PIK3C3: variants seen among roughly 807,000 people sequenced by gnomAD.
PIK3C3 encodes PI3-kinase type 3.
PIK3C3 carries 95 observed loss-of-function variants against 126.1 expected under a neutral mutation model. That is an observed-to-expected ratio of 0.75 (90% confidence interval 0.64 to 0.89). PIK3C3 has a LOEUF of 0.89. PIK3C3 is among the 40% of genes least tolerant of loss of function. PIK3C3 has a pLI of 0.00. For synonymous variants in PIK3C3, 374 were observed against 360.0 expected (o/e 1.04, Z -0.44); for missense variants, 829 against 1,063.2 (o/e 0.78, Z 3.06).
chr18:41,968,905 C>A lies in PIK3C3; in HGVS notation c.402-1422C>A, dbSNP rs978354946. ...CAAACATGGCTCACTATAGCCTGGTCTTCCCAGGCTTAAGCAATCCTCCTG... is the reference window on the plus strand; with the variant it reads ...CAAACATGGCTCACTATAGCCTGGTATTCCCAGGCTTAAGCAATCCTCCTG... On this transcript the variant is annotated intron_variant, in intron 3 of 24. Coordinates refer to ENST00000262039, the MANE Select transcript of PIK3C3 (RefSeq NM_002647.4). Among the ~76,000 whole-genome samples the A allele has an allele frequency of 3.3e-5, 5 of 151,760 alleles. No individual in the cohort carries two copies. In the East Asian group the frequency reaches 9.6e-4, roughly 29 times the overall value.
At chr18:42,024,984 T>G (rs1259669697) in intron 13 of PIK3C3, among the ~76,000 whole-genome samples, 2 of 151,890 alleles carry the variant, frequency 1.3e-5, no homozygotes, top group Non-Finnish European at 2.9e-5. Flanking sequence ...TTTTGTATTT[T>G]TTTTAGTATA....
At chr18:42,014,748 C>A (rs757787752) in intron 11 of PIK3C3, among the ~76,000 whole-genome samples, 3 of 152,056 alleles carry the variant, frequency 2.0e-5, no homozygotes, top group Non-Finnish European at 2.9e-5. Flanking sequence ...TACATGAGCT[C>A]AAGATTGGAT....
chr18:42,078,325 C>T (rs1273087424), intron 24 of PIK3C3, among the ~76,000 whole-genome samples: 3 of 139,600 alleles, frequency 2.1e-5, no homozygotes, highest in East Asian at 2.1e-4. Flanking sequence ...TGCAGTGAGC[C>T]GAGATTGCGC....
At chr18:42,031,024 G>A (rs1326841857) in intron 15 of PIK3C3, among the ~76,000 whole-genome samples, 2 of 151,982 alleles carry the variant, frequency 1.3e-5, no homozygotes, top group Non-Finnish European at 2.9e-5. Flanking sequence ...TTCAGTATTG[G>A]CTAAAAATCT....
At chr18:42,038,286 T>C (rs1157112584) in intron 17 of PIK3C3, among the ~76,000 whole-genome samples, 1 of 152,074 alleles carries the variant, frequency 6.6e-6, no homozygotes, top group East Asian at 1.9e-4. Context: ...AGATGAAAAA[T>C]TTAGCATACC....
intron 21 of PIK3C3, among the ~76,000 whole-genome samples, chr18:42,055,960 A>G (rs1256102272): frequency 3.9e-5 from 6 of 152,084 alleles, no homozygotes; most frequent in Non-Finnish European, 8.8e-5. Flanking sequence ...CTTACTCCCT[A>G]TGTTTTACAA....
chr18:42,040,405 A>G (rs947964865), intron 18 of PIK3C3, among the ~76,000 whole-genome samples: 1 of 152,088 alleles, frequency 6.6e-6, no homozygotes, highest in South Asian at 2.1e-4. Context: ...TAAGAAGCTT[A>G]GTCTATTAGT....
intron 21 of PIK3C3, among the ~76,000 whole-genome samples, chr18:42,051,825 T>C (rs1392692252): frequency 6.6e-6 from 1 of 152,144 alleles, no homozygotes; most frequent in Non-Finnish European, 1.5e-5. Flanking sequence ...TTTTCCAGAT[T>C]GTAATCATTT....
At chr18:42,013,662 CTT>C in intron 11 of PIK3C3, 66 bp downstream of exon 11, 1 of 1,243,798 alleles carries the variant, frequency 8.0e-7, no homozygotes, top group Non-Finnish European at 1.1e-6. Flanking sequence ...ATTGTTTTCT[CTT>C]TTCCTTTCCT....
intron 12 of PIK3C3, among the ~76,000 whole-genome samples, chr18:42,019,368 C>G (rs956942004): frequency 2.6e-5 from 4 of 152,100 alleles, no homozygotes; most frequent in Admixed American, 6.6e-5. Context: ...TCCTTCTTTC[C>G]AGCCTTTAGT....
rs1041287507 is a variant in PIK3C3 at position 42,086,483 on chromosome 18, G to A, written c.*5346G>A. ...TTAGGCATTCTTAGTCACAGGATGAGATAGGAGATTGGCTCAAGATAAGGT... is the reference window on the plus strand; with the variant it reads ...TTAGGCATTCTTAGTCACAGGATGAAATAGGAGATTGGCTCAAGATAAGGT... On this transcript the variant is annotated 3_prime_UTR_variant, in exon 25 of 25. Transcript: ENST00000262039. The A allele has an allele frequency of 3.3e-5, 5 of 152,222 alleles. No individual in the cohort carries two copies. Among genetic ancestry groups the A allele is most frequent in the Admixed American group, 1.3e-4 (2 of 15,286 alleles). The allele number at this position is 152,222 out of a possible 1,614,324, so 9.4% of individuals were successfully genotyped here.
At chr18:42,049,263 A>G in intron 20 of PIK3C3, 1 of 281,702 alleles carries the variant, frequency 3.5e-6, no homozygotes, top group East Asian at 6.5e-5. Context: ...GGCCCATGTT[A>G]TAATTTAAGG....
At chr18:41,972,072 C>A (rs113547820) in intron 4 of PIK3C3, among the ~76,000 whole-genome samples, 1 of 152,002 alleles carries the variant, frequency 6.6e-6, no homozygotes, top group Non-Finnish European at 1.5e-5. Flanking sequence ...GAATTAGTCC[C>A]AGTTGGACTG....
chr18:42,076,123 CGCAT>C lies in PIK3C3; in HGVS notation c.2650-4999_2650-4996del, dbSNP rs1404819124. On this transcript the variant is annotated intron_variant, in intron 24 of 24. Coordinates refer to ENST00000262039, the MANE Select transcript of PIK3C3 (RefSeq NM_002647.4). ...ATATATATATATATATATATATATG[CGCAT>C]ATATATATATATATATGCGCATATA... Among the ~76,000 whole-genome samples the C allele has an allele frequency of 9.2e-4, 28 of 30,280 alleles. 3 individuals are homozygous for C. The highest frequency in any genetic ancestry group is 4.3e-3 in the African/African-American group (27 of 6,278). 19.9% of individuals were successfully genotyped at this position (30,280 alleles called of 152,430 possible).
chr18:42,020,853 C>T (rs975885497), intron 13 of PIK3C3, 148 bp downstream of exon 13: 3 of 559,358 alleles, frequency 5.4e-6, no homozygotes, highest in Non-Finnish European at 9.6e-6. Context: ...TATTCCCTGA[C>T]AGCTGGGTTC....
chr18:42,003,645 T>A (rs1383982907), intron 9 of PIK3C3, among the ~76,000 whole-genome samples: 1 of 152,180 alleles, frequency 6.6e-6, no homozygotes, highest in East Asian at 1.9e-4. Context: ...CCAAGACAAT[T>A]TGCTTAACTG....
rs1985182676 is a variant in PIK3C3 at position 42,058,723 on chromosome 18, C to T, written c.2432+672C>T. On this transcript the variant is annotated intron_variant, in intron 22 of 24. Coordinates refer to ENST00000262039, the MANE Select transcript of PIK3C3 (RefSeq NM_002647.4). Reference sequence around the variant, plus strand: ...TTCCTTCTTGCTAATTTACTTAGGACTGACTATCATATGTCATCAGGAAGA... The same window carrying T: ...TTCCTTCTTGCTAATTTACTTAGGATTGACTATCATATGTCATCAGGAAGA... Among the ~76,000 whole-genome samples the T allele has an allele frequency of 2.6e-5, 4 of 152,256 alleles. No homozygotes were observed. The South Asian group carries it at 6.2e-4, about 24-fold the overall frequency.
At position 42,029,407 on chromosome 18, in the gene PIK3C3, C is replaced by T. The variant is rs746087977; in HGVS notation, c.1673C>T (p.Ala558Val). 10 of 1,612,244 alleles carry T rather than the reference C, an allele frequency of 6.2e-6. No individual in the cohort carries two copies. The highest frequency in any genetic ancestry group is 3.3e-5 in the South Asian group (3 of 91,044). Reference sequence around the variant, plus strand: ...GATCGGTTGGTGCATCTAATGAAGGCAGTACAACGCGAAAGTGGAAATCGT... The same window carrying T: ...GATCGGTTGGTGCATCTAATGAAGGTAGTACAACGCGAAAGTGGAAATCGT... ...FVDRLVHLMK[A>V]VQRESGNRKK... Residue 558 changes from alanine to valine, a missense_variant, in exon 15 of 25, where the codon GCA becomes GTA. By Grantham distance (64) the Ala-to-Val change is moderately conservative (BLOSUM62 0). Around this residue, in one of 4 missense-constraint regions of PIK3C3, gnomAD observed 256 missense variants for 291.0 expected, o/e 0.88. Coordinates refer to ENST00000262039, the MANE Select transcript of PIK3C3 (RefSeq NM_002647.4).
intron 4 of PIK3C3, among the ~76,000 whole-genome samples, chr18:41,986,929 A>G (rs963784473): frequency 2.6e-5 from 4 of 152,096 alleles, no homozygotes; most frequent in African/African-American, 9.7e-5. Flanking sequence ...GAGGAAGAGA[A>G]AGAAGATTGA....
Sources: allele counts gnomAD v4.1 joint callset (sites outside exome capture counted in the v4.1 genomes callset), GRCh38; gene constraint gnomAD v4.1.1; regional missense constraint gnomAD v4.1.1; transcripts MANE v1.5; gene names NCBI Gene and HGNC (gene_info 2026-07-23, HGNC 2026-07-21).